The following PRKG1 variants were observed in gnomAD, a reference collection of about 807,000 sequenced individuals.
The protein encoded by PRKG1 is protein kinase cGMP-dependent 1.
Under a neutral mutation model 88.1 loss-of-function variants are expected in PRKG1, and 35 were observed. That is an observed-to-expected ratio of 0.40 (90% CI 0.30 to 0.53). The LOEUF (loss-of-function observed/expected upper bound fraction) is 0.53, where lower values mean the gene tolerates loss of function less well. Among genes scored for constraint, PRKG1 ranks in the 20% least tolerant of loss-of-function variants. PRKG1 has a pLI of 0.59. For synonymous variants in PRKG1, 303 were observed against 292.5 expected (o/e 1.04, Z -0.37); for missense variants, 540 against 839.8 (o/e 0.64, Z 4.41).
rs1841341767 is a variant in PRKG1 at position 52,257,680 on chromosome 10, C to T, written c.1173+6014C>T. The stretch of plus-strand genomic sequence containing the variant: ...AGTTTGCTTCATTTTAACACAGCCT[C>T]TTCTTTAGTAGTACTCTGTGGTTTA... On this transcript the variant is annotated intron_variant, in intron 10 of 17. Transcript: ENST00000373980. Among the ~76,000 whole-genome samples the T allele has an allele frequency of 1.4e-5, 2 of 139,784 alleles. 1 individual carries two copies. The highest frequency in any genetic ancestry group is 3.2e-5 in the Non-Finnish European group (2 of 61,832). The allele number at this position is 139,784 out of a possible 152,430, so 91.7% of individuals were successfully genotyped here.
chr10:51,686,038 G>A (rs1227045510), intron 3 of PRKG1, among the ~76,000 whole-genome samples: 1 of 151,928 alleles, frequency 6.6e-6, no homozygotes, highest in Non-Finnish European at 1.5e-5. Context: ...ATGTAATCCT[G>A]GGTAAATGAA....
At chr10:52,291,511 T>G (rs1842245177) in intron 17 of PRKG1, among the ~76,000 whole-genome samples, 1 of 150,496 alleles carries the variant, frequency 6.6e-6, no homozygotes, top group African/African-American at 2.4e-5. Context: ...CGGTGTTTGG[T>G]TTTTTGTTCT....
intron 1 of PRKG1, among the ~76,000 whole-genome samples, chr10:51,032,276 C>T (rs1843293143): frequency 6.6e-6 from 1 of 152,088 alleles, no homozygotes; most frequent in Non-Finnish European, 1.5e-5. Flanking sequence ...TTAGTATTGA[C>T]AGTCTCAGCT....
rs1839945535 is a variant in PRKG1 at position 51,467,771 on chromosome 10, G to A, written c.527G>A (p.Gly176Asp). The A allele has an allele frequency of 1.2e-6, 2 of 1,612,720 alleles. No homozygotes were observed. The highest frequency in any genetic ancestry group is 1.3e-5 in the African/African-American group (1 of 74,842). ...TKEGVKLCTMGPGKVFGELAI... is the reference protein window; with the variant it reads ...TKEGVKLCTMDPGKVFGELAI... ...GAAGGTGTGAAGTTGTGTACCATGG[G>A]TCCAGGAAAAGTGTTTGGGGAATTG... Residue 176 changes from glycine to aspartate, a missense_variant, in exon 3 of 18, where the codon GGT (glycine) becomes GAT (aspartate). By Grantham distance (94) the Gly-to-Asp change is moderately conservative (BLOSUM62 -1). Transcript: ENST00000373980.
At chr10:51,427,175 A>G (rs1838612841) in intron 2 of PRKG1, among the ~76,000 whole-genome samples, 1 of 152,210 alleles carries the variant, frequency 6.6e-6, no homozygotes, top group South Asian at 2.1e-4. Context: ...AAAAGCAAAG[A>G]AAACATGAAA....
intron 2 of PRKG1, among the ~76,000 whole-genome samples, chr10:51,282,578 C>T (rs10996556): frequency 0.46 from 70,140 of 151,996 alleles, 17,711 homozygotes; most frequent in African/African-American, 0.67. Flanking sequence ...TGCTGGGAAT[C>T]TATAGTTTGT....
chr10:51,861,076 TA>T (rs532650971), intron 4 of PRKG1, among the ~76,000 whole-genome samples: 1,559 of 151,524 alleles, frequency 0.01, 39 homozygotes, highest in African/African-American at 0.035. Context: ...TTTTATGAGA[TA>T]AAAAAAAAGT....
intron 2 of PRKG1, among the ~76,000 whole-genome samples, chr10:51,231,611 A>G (rs1441727000): frequency 6.6e-6 from 1 of 152,084 alleles, no homozygotes; most frequent in Non-Finnish European, 1.5e-5. Flanking sequence ...GCATCTGAAC[A>G]TGACCTGGCC....
chr10:52,034,789 G>A (rs1273962650), intron 5 of PRKG1, among the ~76,000 whole-genome samples: 2 of 152,128 alleles, frequency 1.3e-5, no homozygotes, highest in Non-Finnish European at 2.9e-5. Flanking sequence ...GTTTTTTGCG[G>A]CACAGTGTAA....
intron 3 of PRKG1, among the ~76,000 whole-genome samples, chr10:51,734,661 A>G (rs183918997): frequency 8.5e-5 from 13 of 152,274 alleles, no homozygotes; most frequent in Admixed American, 8.5e-4. Context: ...ATTTTTCACT[A>G]AGGGATGGTA....
chr10:51,048,167 C>T (rs562496716), intron 1 of PRKG1, among the ~76,000 whole-genome samples: 3 of 152,132 alleles, frequency 2.0e-5, no homozygotes, highest in Non-Finnish European at 2.9e-5. Context: ...TATTTTTGGA[C>T]TAGAACACTA....
At chr10:51,049,227 C>T (rs1843531435) in intron 1 of PRKG1, among the ~76,000 whole-genome samples, 1 of 152,266 alleles carries the variant, frequency 6.6e-6, no homozygotes, top group Non-Finnish European at 1.5e-5. Context: ...TGCTATTTTA[C>T]CATGTGCCTA....
chr10:51,021,520 AG>A (rs1009597022), intron 1 of PRKG1, among the ~76,000 whole-genome samples: 4 of 152,208 alleles, frequency 2.6e-5, no homozygotes, highest in African/African-American at 9.6e-5. Flanking sequence ...TTTTTCTAAA[AG>A]ACAGCACAAA....
rs147288115 is a variant in PRKG1, at chr10:51,663,549, G to GA, written c.593-141026dup. ...GCAAGACCCCATCTCTACAAAAAAAGAAAAAAAAAACTAAAAAATTAGCTG... is the reference window on the plus strand; with the variant it reads ...GCAAGACCCCATCTCTACAAAAAAAGAAAAAAAAAAACTAAAAAATTAGCTG... On this transcript the variant is annotated intron_variant, in intron 3 of 17. Coordinates refer to ENST00000373980, the MANE Select transcript of PRKG1 (RefSeq NM_006258.4). 7.2e-4 allele frequency among the ~76,000 whole-genome samples: 105 copies of GA among 146,484 alleles called. 1 individual carries two copies. Among genetic ancestry groups the GA allele is most frequent in the South Asian group, 5.8e-3 (27 of 4,620 alleles).
intron 2 of PRKG1, among the ~76,000 whole-genome samples, chr10:51,244,130 A>G (rs1839225133): frequency 6.6e-6 from 1 of 152,160 alleles, no homozygotes; most frequent in Non-Finnish European, 1.5e-5. Flanking sequence ...AAATTTCCCA[A>G]GAAGGAACAA....
At chr10:52,188,613 C>T (rs986657739) in intron 9 of PRKG1, among the ~76,000 whole-genome samples, 4 of 152,006 alleles carry the variant, frequency 2.6e-5, no homozygotes, top group African/African-American at 9.7e-5. Context: ...TTCATTTACA[C>T]TATTCATTAT....
At chr10:51,897,302 AAAC>A (rs1423000363) in intron 4 of PRKG1, among the ~76,000 whole-genome samples, 1 of 152,210 alleles carries the variant, frequency 6.6e-6, no homozygotes, top group African/African-American at 2.4e-5. Context: ...GCACAGAAAT[AAAC>A]AATACTTGTC....
At chr10:51,499,233 T>C (rs1840952531) in intron 3 of PRKG1, among the ~76,000 whole-genome samples, 1 of 152,158 alleles carries the variant, frequency 6.6e-6, no homozygotes, top group Non-Finnish European at 1.5e-5. Context: ...TACTTGGCCT[T>C]CTAGAAGAGG....
At chr10:51,183,242 G>T (rs1342457412) in intron 2 of PRKG1, among the ~76,000 whole-genome samples, 19 of 152,160 alleles carry the variant, frequency 1.2e-4, no homozygotes. Flanking sequence ...GAAATATGCA[G>T]TTAGTGCTGG....
Sources: allele counts gnomAD v4.1 joint callset (sites outside exome capture counted in the v4.1 genomes callset), GRCh38; gene constraint gnomAD v4.1.1; transcripts MANE v1.5; gene names NCBI Gene and HGNC (gene_info 2026-07-23, HGNC 2026-07-21).